The following GRID2 variants were observed in gnomAD, a reference collection of about 807,000 sequenced individuals.
GRID2 encodes glutamate ionotropic receptor delta type subunit 2.
GRID2 carries 33 observed loss-of-function variants against 114.8 expected under a neutral mutation model. The ratio of observed to expected loss-of-function variants is 0.29; its 90% CI spans 0.22 to 0.38. The LOEUF (loss-of-function observed/expected upper bound fraction) is 0.38. GRID2 is among the 10% of genes least tolerant of loss of function. GRID2 has a pLI of 1.00. For synonymous variants in GRID2, 505 were observed against 449.9 expected (o/e 1.12, Z -1.55); for missense variants, 1,184 against 1,257.7 (o/e 0.94, Z 0.89).
At chr4:93,107,351 C>T (rs2149347404) in intron 3 of GRID2, among the ~76,000 whole-genome samples, 1 of 151,924 alleles carries the variant, frequency 6.6e-6, no homozygotes, top group East Asian at 1.9e-4. Context: ...GAGAAATTTT[C>T]AAAAAATGTT....
At chr4:92,309,238 A>G (rs1398793394) in intron 1 of GRID2, among the ~76,000 whole-genome samples, 1 of 152,036 alleles carries the variant, frequency 6.6e-6, no homozygotes, top group African/African-American at 2.4e-5. Context: ...GGCTAATTTT[A>G]TCATATGGTA....
At chr4:93,071,773 G>A (rs1032664996) in intron 2 of GRID2, among the ~76,000 whole-genome samples, 7 of 152,184 alleles carry the variant, frequency 4.6e-5, no homozygotes, top group Non-Finnish European at 1.0e-4. Context: ...TATGGGCCAT[G>A]ATAAGAGAGT....
intron 11 of GRID2, among the ~76,000 whole-genome samples, chr4:93,475,954 C>T (rs867732968): frequency 2.1e-4 from 32 of 152,062 alleles, no homozygotes; most frequent in African/African-American, 7.2e-4. Context: ...GTTTGACAAA[C>T]GACTAGTCAT....
At chr4:92,373,593 T>C (rs1349419942) in intron 1 of GRID2, among the ~76,000 whole-genome samples, 2 of 152,204 alleles carry the variant, frequency 1.3e-5, no homozygotes, top group Non-Finnish European at 2.9e-5. Context: ...TAGCTCAACA[T>C]CTTGCTTTCA....
At chr4:93,323,151 G>A (rs930135947) in intron 8 of GRID2, among the ~76,000 whole-genome samples, 2 of 152,132 alleles carry the variant, frequency 1.3e-5, no homozygotes, top group African/African-American at 4.8e-5. Flanking sequence ...TATTGCCTAG[G>A]TTTTCTTCTA....
Position 93,398,133 on chromosome 4 carries a change from G to GTATA in GRID2, c.1347+2441_1347+2444dup, listed in dbSNP as rs1553923238. Among the ~76,000 whole-genome samples the GTATA allele has an allele frequency of 2.5e-3, 308 of 122,340 alleles. 10 individuals are homozygous for GTATA. The highest frequency in any genetic ancestry group is 1.4e-3 in the Non-Finnish European group (85 of 61,372). The allele number at this position is 122,340 out of a possible 152,430, so 80.3% of individuals were successfully genotyped here. ...GAAATACATACATGTATGTGTGTGT[G>GTATA]TATATATATATATATATATCTTATC... On this transcript the variant is annotated intron_variant, in intron 9 of 15. Coordinates refer to ENST00000282020, the MANE Select transcript of GRID2 (RefSeq NM_001510.4).
chr4:93,020,190 A>G (rs1171916993), intron 2 of GRID2, among the ~76,000 whole-genome samples: 1 of 152,232 alleles, frequency 6.6e-6, no homozygotes, highest in African/African-American at 2.4e-5. Flanking sequence ...TTGAGGTAAT[A>G]TTTGAGTGCA....
chr4:92,835,940 C>A (rs1578267833), intron 2 of GRID2, among the ~76,000 whole-genome samples: 1 of 152,012 alleles, frequency 6.6e-6, no homozygotes, highest in African/African-American at 2.4e-5. Flanking sequence ...AATACTTCTA[C>A]GGTAGTTTCT....
At chr4:92,814,734 G>T (rs535641711) in intron 2 of GRID2, among the ~76,000 whole-genome samples, 18 of 152,218 alleles carry the variant, frequency 1.2e-4, no homozygotes, top group African/African-American at 4.1e-4. Flanking sequence ...GCAACTTAAG[G>T]GGGTGTGGAA....
intron 13 of GRID2, among the ~76,000 whole-genome samples, chr4:93,558,523 A>G (rs1487758933): frequency 6.6e-6 from 1 of 152,198 alleles, no homozygotes; most frequent in African/African-American, 2.4e-5. Flanking sequence ...CACCCTCCCA[A>G]GACTAAATCA....
intron 2 of GRID2, among the ~76,000 whole-genome samples, chr4:92,926,114 G>A (rs1251433533): frequency 4.0e-5 from 6 of 151,600 alleles, no homozygotes; most frequent in African/African-American, 1.5e-4. Flanking sequence ...CCTTTATGAA[G>A]TAACATTTAT....
At chr4:93,465,059 G>T (rs1724137870) in intron 11 of GRID2, among the ~76,000 whole-genome samples, 1 of 152,190 alleles carries the variant, frequency 6.6e-6, no homozygotes, top group South Asian at 2.1e-4. Context: ...CATGATGGCT[G>T]TTTTCATGGA....
chr4:93,752,360 T>TTCTA (rs144445112), intron 14 of GRID2, among the ~76,000 whole-genome samples: 6 of 149,154 alleles, frequency 4.0e-5, no homozygotes, highest in Non-Finnish European at 7.4e-5. Context: ...CATACTGTTC[T>TTCTA]TTTATTTATT....
intron 4 of GRID2, among the ~76,000 whole-genome samples, chr4:93,126,742 C>T (rs969186715): frequency 3.3e-5 from 5 of 150,260 alleles, no homozygotes; most frequent in African/African-American, 4.9e-5. Flanking sequence ...GGACTACAGG[C>T]GCCCGCTACC....
intron 1 of GRID2, among the ~76,000 whole-genome samples, chr4:92,550,638 T>C (rs997220949): frequency 2.0e-5 from 3 of 152,174 alleles, no homozygotes; most frequent in Admixed American, 6.5e-5. Context: ...ATCCTTGTTT[T>C]CTCAGCCTCT....
intron 7 of GRID2, among the ~76,000 whole-genome samples, chr4:93,237,605 A>C (rs551202724): frequency 2.0e-5 from 3 of 152,048 alleles, no homozygotes; most frequent in East Asian, 3.9e-4. Flanking sequence ...GAAGTGACTC[A>C]GAGTGCGATT....
intron 12 of GRID2, among the ~76,000 whole-genome samples, chr4:93,511,359 C>T (rs1464747194): frequency 1.3e-5 from 2 of 152,130 alleles, no homozygotes; most frequent in Non-Finnish European, 2.9e-5. Context: ...CACACAGTAC[C>T]TCAGTGTATG....
intron 4 of GRID2, among the ~76,000 whole-genome samples, chr4:93,160,653 ATTAGGACACTTG>A (rs1336950427): frequency 1.3e-5 from 2 of 151,828 alleles, no homozygotes; most frequent in Non-Finnish European, 2.9e-5. Context: ...GCTGTCTACA[ATTAGGACACTTG>A]TTAGCCCTCT....
At chr4:92,690,955 A>T (rs1269651920) in intron 2 of GRID2, among the ~76,000 whole-genome samples, 1 of 152,156 alleles carries the variant, frequency 6.6e-6, no homozygotes, top group African/African-American at 2.4e-5. Flanking sequence ...AAGGAGAGTT[A>T]GTTTAGAATG....
Sources: allele counts gnomAD v4.1 joint callset (sites outside exome capture counted in the v4.1 genomes callset), GRCh38; gene constraint gnomAD v4.1.1; transcripts MANE v1.5; gene names NCBI Gene and HGNC (gene_info 2026-07-23, HGNC 2026-07-21).